The following SHPRH variants were observed in gnomAD, a reference collection of about 807,000 sequenced individuals.
SHPRH encodes SNF2 histone linker PHD RING helicase.
Under a neutral mutation model 202.5 loss-of-function variants are expected in SHPRH, and 106 were observed. The ratio of observed to expected loss-of-function variants is 0.52; its 90% CI spans 0.45 to 0.62. The LOEUF (loss-of-function observed/expected upper bound fraction) is 0.62, where lower values mean the gene tolerates loss of function less well. Ranked by LOEUF, SHPRH falls within the 20% of genes least tolerant of loss-of-function variation. The pLI, the probability that SHPRH is intolerant of heterozygous loss-of-function variation, is 0.00. For missense variants in SHPRH, 1,710 were observed against 2,020.0 expected (o/e 0.85, Z 2.94); for synonymous variants, 729 against 686.0 (o/e 1.06, Z -0.98).
Position 145,886,492 on chromosome 6 carries a change from T to C in SHPRH, c.*199A>G. 1.0e-6 allele frequency: 1 copy of C among 1,003,110 alleles called. No individual in the cohort carries two copies. The highest frequency in any genetic ancestry group is 1.5e-6 in the Non-Finnish European group (1 of 651,666). 62.1% of individuals were successfully genotyped at this position (1,003,110 alleles called of 1,614,324 possible). On this transcript the variant is annotated 3_prime_UTR_variant, in exon 30 of 30. Coordinates refer to ENST00000275233, the MANE Select transcript of SHPRH (RefSeq NM_001042683.3). ...TATTAGGAGTGTAAAATTAAGAATCTTTATAGATCTTTTGGAAACAGTATA... is the reference window on the plus strand; with the variant it reads ...TATTAGGAGTGTAAAATTAAGAATCCTTATAGATCTTTTGGAAACAGTATA...
At chr6:145,876,253 G>C (rs1780295792) in intron 2 of SHPRH, among the ~76,000 whole-genome samples, 1 of 142,638 alleles carries the variant, frequency 7.0e-6, no homozygotes, top group Admixed American at 6.8e-5. Context: ...TACACCTGTA[G>C]TCCCAGCTAC....
intron 25 of SHPRH, among the ~76,000 whole-genome samples, chr6:145,897,875 A>G (rs566177699): frequency 6.6e-6 from 1 of 152,282 alleles, no homozygotes; most frequent in South Asian, 2.1e-4. Context: ...TCAACACAGT[A>G]AAGGCCATAA....
At position 145,940,718 on chromosome 6, in the gene SHPRH, A is replaced by G. The variant is rs984413039; in HGVS notation, c.2569+5T>C. On this transcript the variant is annotated splice_donor_5th_base_variant and intron_variant, in intron 11 of 29. Coordinates refer to ENST00000275233, the MANE Select transcript of SHPRH (RefSeq NM_001042683.3). ...CATGCAATATGTGAGGAAACCATAC[A>G]TTACCCTCTAATCCTCTCTGTACTG... The G allele has an allele frequency of 1.2e-6, 2 of 1,613,274 alleles. No homozygotes were observed. Among genetic ancestry groups the G allele is most frequent in the East Asian group, 2.2e-5 (1 of 44,858 alleles).
chr6:145,863,425 A>G (rs1779646817), downstream of SHPRH, among the ~76,000 whole-genome samples: 1 of 152,234 alleles, frequency 6.6e-6, no homozygotes, highest in Non-Finnish European at 1.5e-5. Context: ...ATTGCAATGT[A>G]TTTCCTGAGT....
At chr6:145,938,214 G>A (rs1475300402) in intron 11 of SHPRH, among the ~76,000 whole-genome samples, 2 of 152,082 alleles carry the variant, frequency 1.3e-5, no homozygotes, top group Non-Finnish European at 2.9e-5. Context: ...ATTATTGCAG[G>A]AGCGGGTTAG....
intron 2 of SHPRH, among the ~76,000 whole-genome samples, chr6:145,874,322 CT>C (rs1252597112): frequency 6.6e-6 from 1 of 152,010 alleles, no homozygotes; most frequent in African/African-American, 2.4e-5. Flanking sequence ...CGTATCAAAA[CT>C]TTACTTCATC....
At position 145,934,977 on chromosome 6, in the gene SHPRH, A is replaced by C; in HGVS notation, c.2920T>G (p.Leu974Val). ...CAGCAGGCCTGTCTGAGCCTCAGCA[A>C]TGGATACAGGATAGAGGTGACAGTC... The part of the protein sequence containing the change: ...RRTVTSILYP[L>V]LRLRQACCHP... The change falls in exon 13 of 30, where the codon TTG becomes GTG. Residue 974 changes from leucine (L) to valine (V), a missense_variant. Around this residue, in one of 8 missense-constraint regions of SHPRH, gnomAD observed 3 missense variants for 19.3 expected, o/e 0.16. Transcript: ENST00000275233. 1 of 1,614,048 alleles carries C rather than the reference A, an allele frequency of 6.2e-7. No individual in the cohort carries two copies. The highest frequency in any genetic ancestry group is 8.5e-7 in the Non-Finnish European group (1 of 1,179,966).
chr6:145,892,847 C>T (rs1781685308), intron 28 of SHPRH, among the ~76,000 whole-genome samples: 1 of 151,932 alleles, frequency 6.6e-6, no homozygotes, highest in Admixed American at 6.6e-5. Context: ...CTACTTTAGA[C>T]AATCAAAACT....
In SHPRH at chr6:145,922,665, G is replaced by T; in HGVS notation, c.3717C>A (p.Asn1239Lys). The T allele has an allele frequency of 6.2e-7, 1 of 1,601,232 alleles. No individual in the cohort carries two copies. Among genetic ancestry groups the T allele is most frequent in the South Asian group, 1.1e-5 (1 of 89,162 alleles). Residue 1239 changes from asparagine (N) to lysine (K), a missense_variant and splice_region_variant, in exon 19 of 30, where the codon AAC becomes AAA. This residue lies in a region of SHPRH where 288 missense variants were observed against 317.8 expected (regional missense o/e 0.91). Transcript: ENST00000275233. ...CHLRPARLPL[N>K]CCVFCKADEL... ...GTATGATTTCTTCTATTACCTACCA[G>T]TTGAGAGGAAGTCTGGCTGGTCGGA...
At chr6:145,865,247 T>C (rs988679346) in intron 2 of SHPRH, among the ~76,000 whole-genome samples, 6 of 152,120 alleles carry the variant, frequency 3.9e-5, no homozygotes, top group Non-Finnish European at 7.4e-5. Flanking sequence ...CTTTGGGAGA[T>C]ATTAGATTTA....
At position 145,959,696 on chromosome 6, in the gene SHPRH, G is replaced by A. The variant is rs150059560; in HGVS notation, c.-33+4035C>T. On this transcript the variant is annotated intron_variant, in intron 1 of 29. Transcript: ENST00000275233. ...TACTGTACTGGACAGCACAAATATA[G>A]AGCATTCACATAATTGCAAAAAGTC... Among the ~76,000 whole-genome samples the A allele has an allele frequency of 2.4e-3, 359 of 152,320 alleles. 2 individuals are homozygous for A. Among genetic ancestry groups the A allele is most frequent in the African/African-American group, 8.4e-3 (351 of 41,580 alleles).
At chr6:145,938,438 A>C (rs1786358708) in intron 11 of SHPRH, among the ~76,000 whole-genome samples, 3 of 152,308 alleles carry the variant, frequency 2.0e-5, no homozygotes, top group Admixed American at 6.5e-5. Flanking sequence ...AATCTGACTG[A>C]GATTCTATCC....
chr6:145,908,207 T>C (rs989678215), intron 25 of SHPRH: 1 of 152,178 alleles, frequency 6.6e-6, no homozygotes, highest in Non-Finnish European at 1.5e-5. Context: ...TTATTGTAAA[T>C]AGTGCTGCAG....
At chr6:145,921,112 T>C (rs539879436) in intron 21 of SHPRH, 55 bp downstream of exon 21, 2 of 1,464,932 alleles carry the variant, frequency 1.4e-6, no homozygotes, top group South Asian at 1.3e-5. Context: ...GCAGTTAAAA[T>C]TGATGTAAAA....
chr6:145,958,419 T>G (rs1436181687), intron 1 of SHPRH, among the ~76,000 whole-genome samples: 1 of 152,120 alleles, frequency 6.6e-6, no homozygotes, highest in Non-Finnish European at 1.5e-5. Context: ...TGATAAATTA[T>G]AAAGTGATAA....
At chr6:145,902,485 A>C (rs977399172) in intron 25 of SHPRH, among the ~76,000 whole-genome samples, 1 of 152,144 alleles carries the variant, frequency 6.6e-6, no homozygotes, top group Non-Finnish European at 1.5e-5. Context: ...TTTGCCATAA[A>C]TTCAGTAGAC....
At chr6:145,934,403 T>C (rs1012121961) in intron 13 of SHPRH, among the ~76,000 whole-genome samples, 1 of 136,366 alleles carries the variant, frequency 7.3e-6, no homozygotes, top group African/African-American at 2.6e-5. Context: ...GAGGCAGAGA[T>C]TGCAGTGAGC....
At chr6:145,894,283 TTATC>T (rs770637520) in intron 26 of SHPRH, 47 bp from the exon 27 acceptor site, 31 of 1,396,870 alleles carry the variant, frequency 2.2e-5, no homozygotes, top group Non-Finnish European at 2.9e-5. Context: ...CACGTAGCCT[TTATC>T]TAAGGGTATC....
intron 2 of SHPRH, 51 bp from the exon 3 acceptor site, chr6:145,952,529 C>A: frequency 6.5e-7 from 1 of 1,538,964 alleles, no homozygotes; most frequent in South Asian, 1.3e-5. Context: ...ATATACCATT[C>A]TTTATGAGGA....
Sources: allele counts gnomAD v4.1 joint callset (sites outside exome capture counted in the v4.1 genomes callset), GRCh38; gene constraint gnomAD v4.1.1; regional missense constraint gnomAD v4.1.1; transcripts MANE v1.5; gene names NCBI Gene and HGNC (gene_info 2026-07-23, HGNC 2026-07-21).